The following ATP13A4 variants were observed in gnomAD, a reference collection of about 807,000 sequenced individuals.
ATP13A4 encodes probable cation-transporting ATPase 13A4.
A neutral mutation model predicts 142.5 loss-of-function variants in ATP13A4; 114 were observed. The observed-to-expected ratio is 0.80, with a 90% CI of 0.69 to 0.93. The LOEUF (loss-of-function observed/expected upper bound fraction) is 0.93. ATP13A4 is among the 40% of genes least tolerant of loss of function. The probability of loss-of-function intolerance (pLI) is 0.00; values close to 1 mark genes in which losing one functional copy is unlikely to be tolerated. For missense variants in ATP13A4, 1,392 were observed against 1,454.0 expected, an observed-to-expected ratio of 0.96 and a Z score of 0.69; for synonymous variants, 488 against 514.8, an observed-to-expected ratio of 0.95 and a Z score of 0.70.
chr3:193,524,931 G>A (rs982904432), intron 1 of ATP13A4, among the ~76,000 whole-genome samples: 2 of 152,098 alleles, frequency 1.3e-5, no homozygotes, highest in Non-Finnish European at 2.9e-5. Flanking sequence ...TCAGTCTCTA[G>A]CACATCATCC....
At chr3:193,406,586 C>T (rs1714509944) in intron 29 of ATP13A4, among the ~76,000 whole-genome samples, 1 of 152,152 alleles carries the variant, frequency 6.6e-6, no homozygotes, top group Admixed American at 6.6e-5. Context: ...GGAGCACAAG[C>T]TCATTTCACT....
At chr3:193,430,999 C>A (rs2108615313) in intron 25 of ATP13A4, among the ~76,000 whole-genome samples, 1 of 151,972 alleles carries the variant, frequency 6.6e-6, no homozygotes, top group East Asian at 1.9e-4. Context: ...ATGGCGGCTA[C>A]ATTGAAAATG....
chr3:193,537,571 A>G (rs1722653142), intron 1 of ATP13A4, among the ~76,000 whole-genome samples: 1 of 152,218 alleles, frequency 6.6e-6, no homozygotes, highest in Non-Finnish European at 1.5e-5. Context: ...AGTGTTATCC[A>G]TAAAAGGAAA....
intron 13 of ATP13A4, among the ~76,000 whole-genome samples, chr3:193,459,489 G>A (rs1717829020): frequency 6.6e-6 from 1 of 152,130 alleles, no homozygotes; most frequent in Admixed American, 6.5e-5. Context: ...GGCTGGAGGA[G>A]GACAGTGGCG....
chr3:193,571,813 AAT>A (rs1235306013), intron 2 of ATP13A4, among the ~76,000 whole-genome samples: 2 of 152,174 alleles, frequency 1.3e-5, no homozygotes, highest in Non-Finnish European at 2.9e-5. Context: ...TGGTATCTTG[AAT>A]GGAATCCTGG....
intron 25 of ATP13A4, among the ~76,000 whole-genome samples, chr3:193,432,988 T>C (rs1389111167): frequency 6.6e-6 from 1 of 152,180 alleles, no homozygotes; most frequent in African/African-American, 2.4e-5. Context: ...AATGATGTTA[T>C]TATTAATTGT....
intron 8 of ATP13A4, among the ~76,000 whole-genome samples, chr3:193,477,756 C>G (rs1719052593): frequency 6.6e-6 from 1 of 152,020 alleles, no homozygotes; most frequent in Non-Finnish European, 1.5e-5. Context: ...CGATGGAGAT[C>G]TTGGCAGCTT....
intron 1 of ATP13A4, among the ~76,000 whole-genome samples, chr3:193,515,755 T>C (rs986730230): frequency 6.6e-6 from 1 of 152,216 alleles, no homozygotes; most frequent in Non-Finnish European, 1.5e-5. Context: ...CTGAAGTTTA[T>C]GGTCTTAGTC....
chr3:193,584,721 G>C (rs9846650), intron 1 of ATP13A4, among the ~76,000 whole-genome samples: 79,414 of 151,756 alleles, frequency 0.52, 21,503 homozygotes, highest in African/African-American at 0.66. Flanking sequence ...TACCTACTGG[G>C]CAGCTTCCAT....
rs949865310 is a variant in ATP13A4, at chr3:193,466,938, C to CA, written c.1114+377dup. Among the ~76,000 whole-genome samples the CA allele has an allele frequency of 9.0e-4, 131 of 145,882 alleles. No homozygotes were observed. In the South Asian group the frequency reaches 0.01, roughly 11 times the overall value. On this transcript the variant is annotated intron_variant, in intron 10 of 29. Coordinates refer to ENST00000342695, the MANE Select transcript of ATP13A4 (RefSeq NM_032279.4). The stretch of plus-strand genomic sequence containing the variant: ...TAAGACTTCTCCTTGTCTATGGGTC[C>CA]AAAAAAAAATGGAAAGAATGAATAA...
chr3:193,540,527 CAAAAAAAAAAAAAA>C (rs11360543), intron 1 of ATP13A4, among the ~76,000 whole-genome samples: 2 of 44,784 alleles, frequency 4.5e-5, no homozygotes, highest in South Asian at 1.4e-3. Context: ...GGCTCTCTGC[CAAAAAAAAAAAAAA>C]AAAAAAAAAA....
At chr3:193,492,214 G>A (rs968723508) in intron 5 of ATP13A4, among the ~76,000 whole-genome samples, 3 of 152,150 alleles carry the variant, frequency 2.0e-5, no homozygotes, top group African/African-American at 7.2e-5. Context: ...CTGCTAGGCT[G>A]TACATCTCTT....
intron 8 of ATP13A4, among the ~76,000 whole-genome samples, chr3:193,473,898 A>G (rs1469149183): frequency 6.6e-6 from 1 of 152,236 alleles, no homozygotes; most frequent in Non-Finnish European, 1.5e-5. Context: ...TCTCTTTTCT[A>G]TTAGAACATT....
At chr3:193,461,382 T>G (rs886600852) in intron 13 of ATP13A4, among the ~76,000 whole-genome samples, 1 of 152,150 alleles carries the variant, frequency 6.6e-6, no homozygotes, top group East Asian at 1.9e-4. Flanking sequence ...TGCTCACATA[T>G]TTGAACAAAT....
chr3:193,587,029 T>C (rs1373438019), intron 1 of ATP13A4, among the ~76,000 whole-genome samples: 1 of 152,242 alleles, frequency 6.6e-6, no homozygotes, highest in East Asian at 1.9e-4. Flanking sequence ...TGGTTTTCTG[T>C]GTTGAGCTTT....
At chr3:193,561,795 A>C (rs1724022372) in intron 2 of ATP13A4, among the ~76,000 whole-genome samples, 1 of 152,146 alleles carries the variant, frequency 6.6e-6, no homozygotes, top group Non-Finnish European at 1.5e-5. Flanking sequence ...GTAACTTTAA[A>C]ATAAGCCCCC....
intron 2 of ATP13A4, among the ~76,000 whole-genome samples, chr3:193,568,470 G>A (rs1724189923): frequency 6.6e-6 from 1 of 152,144 alleles, no homozygotes; most frequent in Non-Finnish European, 1.5e-5. Context: ...CCCATAACCT[G>A]GACTTAAAGC....
chr3:193,538,489 A>G (rs1257906838), intron 1 of ATP13A4, among the ~76,000 whole-genome samples: 1 of 147,002 alleles, frequency 6.8e-6, no homozygotes, highest in African/African-American at 2.5e-5. Flanking sequence ...TAATGGAAGA[A>G]TCCACATTAA....
chr3:193,464,876 G>T, intron 12 of ATP13A4, 64 bp downstream of exon 12: 1 of 1,547,872 alleles, frequency 6.5e-7, no homozygotes, highest in Non-Finnish European at 8.9e-7. Context: ...GGGGGTAAAA[G>T]TAGATATACA....
Sources: gnomAD v4.1 joint callset for allele counts (sites outside exome capture counted in the v4.1 genomes callset) on GRCh38, gnomAD v4.1.1 for gene constraint, MANE v1.5 for transcripts, NCBI Gene and HGNC (gene_info 2026-07-23, HGNC 2026-07-21) for gene names.